GRAMD1C: variants seen among roughly 807,000 people sequenced by gnomAD.
GRAMD1C encodes protein Aster-C.
Under a neutral mutation model 97.8 loss-of-function variants are expected in GRAMD1C, and 89 were observed. The ratio of observed to expected loss-of-function variants is 0.91; its 90% CI spans 0.77 to 1.09. The LOEUF is 1.09. Ranked by LOEUF, GRAMD1C falls within the 50% of genes least tolerant of loss-of-function variation. The pLI is 0.00. For synonymous variants in GRAMD1C, 256 were observed against 267.0 expected (o/e 0.96, Z 0.40); for missense variants, 740 against 766.4 (o/e 0.97, Z 0.41).
intron 8 of GRAMD1C, 60 bp downstream of exon 8, chr3:113,904,332 C>G: frequency 8.7e-7 from 1 of 1,151,270 alleles, no homozygotes. Flanking sequence ...AATCAGAATA[C>G]AAGATAAATA....
chr3:113,940,671 G>A (rs535797219), intron 17 of GRAMD1C, among the ~76,000 whole-genome samples: 1 of 152,070 alleles, frequency 6.6e-6, no homozygotes, highest in African/African-American at 2.4e-5. Flanking sequence ...AAAATTCGAT[G>A]CATAATATTA....
chr3:113,850,779 A>ATT, intron 2 of GRAMD1C: 6 of 836,700 alleles, frequency 7.2e-6, no homozygotes, highest in Non-Finnish European at 1.0e-5. Context: ...GATATACTTA[A>ATT]TTTTTTTTTT....
At chr3:113,906,067 C>T (rs1003834030) in intron 8 of GRAMD1C, among the ~76,000 whole-genome samples, 1 of 152,150 alleles carries the variant, frequency 6.6e-6, no homozygotes, top group African/African-American at 2.4e-5. Flanking sequence ...CATGGTAATG[C>T]AATACGTTGC....
chr3:113,870,589 T>A (rs1934764439), intron 3 of GRAMD1C, among the ~76,000 whole-genome samples: 1 of 152,150 alleles, frequency 6.6e-6, no homozygotes, highest in Non-Finnish European at 1.5e-5. Flanking sequence ...GGAATTGGGA[T>A]GTTTCTAATA....
intron 2 of GRAMD1C, among the ~76,000 whole-genome samples, chr3:113,868,468 G>A (rs2107367456): frequency 6.6e-6 from 1 of 152,190 alleles, no homozygotes; most frequent in Admixed American, 6.5e-5. Flanking sequence ...GCTGATTTTT[G>A]TTTGCTTGTT....
intron 2 of GRAMD1C, among the ~76,000 whole-genome samples, chr3:113,856,392 A>T (rs983405901): frequency 1.3e-5 from 2 of 152,196 alleles, no homozygotes; most frequent in African/African-American, 4.8e-5. Context: ...ATTGACATGG[A>T]TAGAATCAAG....
chr3:113,830,473 G>A (rs79182522), intron 1 of GRAMD1C, among the ~76,000 whole-genome samples: 6,874 of 152,142 alleles, frequency 0.045, 451 homozygotes, highest in African/African-American at 0.14. Flanking sequence ...GAGTTCCACC[G>A]AGGACTCTTA....
At chr3:113,939,688 A>T (rs2107381839) in intron 15 of GRAMD1C, 198 bp from the exon 16 acceptor site, 1 of 469,806 alleles carries the variant, frequency 2.1e-6, no homozygotes, top group African/African-American at 2.0e-5. Flanking sequence ...ATTACCTTCC[A>T]TCTTTTCCTC....
At chr3:113,851,526 T>C (rs1038439453) in intron 2 of GRAMD1C, among the ~76,000 whole-genome samples, 7 of 150,178 alleles carry the variant, frequency 4.7e-5, no homozygotes, top group South Asian at 2.1e-4. Flanking sequence ...TTCTTTCTTT[T>C]TTTTTTTTTT....
chr3:113,838,682 C>T (rs936336299), upstream of GRAMD1C: 3 of 367,192 alleles, frequency 8.2e-6, no homozygotes, highest in Non-Finnish European at 9.7e-6. Flanking sequence ...ATAGGGAAGT[C>T]TCATTGTGAC....
chr3:113,918,587 CT>C (rs2107345529), intron 10 of GRAMD1C, among the ~76,000 whole-genome samples: 1 of 152,336 alleles, frequency 6.6e-6, no homozygotes, highest in South Asian at 2.1e-4. Flanking sequence ...GAGTATGTTG[CT>C]GGCTAGACCT....
intron 9 of GRAMD1C, among the ~76,000 whole-genome samples, chr3:113,913,429 C>CAAAAAAAAAAAAAAAAAAAAA (rs765510213): frequency 1.5e-5 from 1 of 68,298 alleles, no homozygotes; most frequent in African/African-American, 5.4e-5. Flanking sequence ...ACTCTGTCTC[C>CAAAAAAAAAAAAAAAAAAAAA]AAAAAAAAAA....
rs1474563364 is a variant in GRAMD1C at position 113,945,462 on chromosome 3, T to C, written c.1973T>C (p.Met658Thr). 6.3e-7 allele frequency: 1 copy of C among 1,588,436 alleles called. No homozygotes were observed. ...FDLLNKNKTG[M>T]AVES ...CTACTAAATAAGAATAAGACTGGCA[T>C]GGCTGTTGAAAGCTAGTGATCTGAA... Residue 658 changes from methionine to threonine, a missense_variant, in exon 18 of 18, where the codon ATG becomes ACG. Transcript: ENST00000358160.
intron 15 of GRAMD1C, 179 bp from the exon 16 acceptor site, chr3:113,939,707 C>T: frequency 2.0e-6 from 1 of 505,540 alleles, no homozygotes; most frequent in Non-Finnish European, 3.5e-6. Context: ...TCAACCTCCA[C>T]TTAATACTTA....
intron 17 of GRAMD1C, among the ~76,000 whole-genome samples, chr3:113,943,133 C>G (rs1220397087): frequency 6.6e-6 from 1 of 152,178 alleles, no homozygotes; most frequent in Non-Finnish European, 1.5e-5. Context: ...TCACTCCTGC[C>G]TGATGTTCTT....
At chr3:113,908,866 A>G (rs1936461345) in intron 8 of GRAMD1C, 92 bp from the exon 9 acceptor site, 4 of 670,200 alleles carry the variant, frequency 6.0e-6, no homozygotes, top group Admixed American at 3.7e-5. Context: ...TCAAAGCTCA[A>G]TATTTCAAAG....
intron 2 of GRAMD1C, among the ~76,000 whole-genome samples, chr3:113,847,741 A>G (rs1933677018): frequency 6.6e-6 from 1 of 152,222 alleles, no homozygotes; most frequent in Non-Finnish European, 1.5e-5. Context: ...CCAGGGGCTC[A>G]GGAGGCCTGA....
intron 1 of GRAMD1C, among the ~76,000 whole-genome samples, chr3:113,839,493 G>C (rs1476896723): frequency 6.6e-6 from 1 of 152,122 alleles, no homozygotes; most frequent in Admixed American, 6.5e-5. Context: ...TTCTACATTG[G>C]TTTGTGTGTA....
chr3:113,840,229 G>A lies in GRAMD1C; in HGVS notation c.27+1293G>A, dbSNP rs1456577634. Among the ~76,000 whole-genome samples, 5 of 152,222 alleles carry A rather than the reference G, an allele frequency of 3.3e-5. No homozygotes were observed. In the East Asian group the frequency reaches 9.6e-4, roughly 29 times the overall value. On this transcript the variant is annotated intron_variant, in intron 1 of 17. Coordinates refer to ENST00000358160, the MANE Select transcript of GRAMD1C (RefSeq NM_017577.5). ...GATCCGCCCGCCTCGGCCTCCCAAA[G>A]TACTGGGATAACAGGCTTGAGCCAC...
Sources: gnomAD v4.1 joint callset for allele counts (sites outside exome capture counted in the v4.1 genomes callset) on GRCh38, gnomAD v4.1.1 for gene constraint, MANE v1.5 for transcripts, NCBI Gene and HGNC (gene_info 2026-07-23, HGNC 2026-07-21) for gene names.